WDFY3: variants seen among roughly 807,000 people sequenced by gnomAD.
WDFY3 encodes the protein WD repeat and FYVE domain containing 3.
Under a neutral mutation model 409.6 loss-of-function variants are expected in WDFY3, and 66 were observed. The ratio of observed to expected loss-of-function variants is 0.16; its 90% confidence interval spans 0.13 to 0.20. WDFY3 has a LOEUF of 0.20. Among genes scored for constraint, WDFY3 ranks in the 10% least tolerant of loss-of-function variants. The pLI is 1.00. For synonymous variants in WDFY3, 1,521 were observed against 1,537.1 expected (o/e 0.99, Z 0.25); for missense variants, 3,031 against 4,298.1 (o/e 0.71, Z 8.24).
chr4:84,838,811 AC>A (rs199934692), intron 6 of WDFY3, among the ~76,000 whole-genome samples: 1,562 of 152,218 alleles, frequency 0.01, 18 homozygotes, highest in African/African-American at 0.034. Flanking sequence ...CTTTCCTTCT[AC>A]CCTCACTTTC....
chr4:84,732,357 C>A (rs1443873268), intron 44 of WDFY3, among the ~76,000 whole-genome samples: 2 of 152,176 alleles, frequency 1.3e-5, no homozygotes, highest in East Asian at 1.9e-4. Flanking sequence ...TTAACATATT[C>A]ATCGCCTCAA....
At chr4:84,742,873 G>A (rs1049458239) in intron 37 of WDFY3, among the ~76,000 whole-genome samples, 1 of 152,148 alleles carries the variant, frequency 6.6e-6, no homozygotes, top group African/African-American at 2.4e-5. Context: ...AGAAATTCTG[G>A]AGGTGCCACA....
chr4:84,784,374 C>G (rs1747098807), intron 24 of WDFY3, among the ~76,000 whole-genome samples: 1 of 152,084 alleles, frequency 6.6e-6, no homozygotes, highest in Admixed American at 6.5e-5. Context: ...ACTTCTAAAA[C>G]AGAATTCTCA....
At chr4:84,792,711 G>C (rs1309640260) in intron 21 of WDFY3, among the ~76,000 whole-genome samples, 1 of 152,172 alleles carries the variant, frequency 6.6e-6, no homozygotes, top group Non-Finnish European at 1.5e-5. Context: ...ATAAGAGTTA[G>C]AAAATATTTT....
chr4:84,833,093 G>T (rs904502706), intron 7 of WDFY3, among the ~76,000 whole-genome samples: 1 of 151,710 alleles, frequency 6.6e-6, no homozygotes, highest in African/African-American at 2.4e-5. Flanking sequence ...CTTAAGTACT[G>T]GAATGAGAAC....
intron 3 of WDFY3, among the ~76,000 whole-genome samples, chr4:84,871,686 G>A (rs1762153322): frequency 6.6e-6 from 1 of 151,736 alleles, no homozygotes; most frequent in African/African-American, 2.4e-5. Flanking sequence ...ACCAGGGCTG[G>A]AGTGCAGGTG....
intron 67 of WDFY3, 78 bp from the exon 68 acceptor site, chr4:84,673,069 A>C: frequency 6.3e-7 from 1 of 1,585,028 alleles, no homozygotes; most frequent in Non-Finnish European, 8.6e-7. Flanking sequence ...TAATAATCGA[A>C]TGGAAAGCTT....
At chr4:84,889,517 T>G (rs1044695826) in intron 3 of WDFY3, among the ~76,000 whole-genome samples, 7 of 152,168 alleles carry the variant, frequency 4.6e-5, no homozygotes, top group African/African-American at 1.4e-4. Context: ...TCTGGTTTGA[T>G]TCACAAAAAT....
chr4:84,944,089 CA>C (rs1387106940), intron 1 of WDFY3, among the ~76,000 whole-genome samples: 4 of 152,178 alleles, frequency 2.6e-5, no homozygotes, highest in Admixed American at 2.6e-4. Context: ...TAATGATTTT[CA>C]ATAAGCACCT....
Position 84,679,114 on chromosome 4 carries a change from C to A in WDFY3, c.9952G>T (p.Ala3318Ser). 4 of 1,614,152 alleles carry A rather than the reference C, an allele frequency of 2.5e-6. No individual in the cohort carries two copies. Among genetic ancestry groups the A allele is most frequent in the Non-Finnish European group, 3.4e-6 (4 of 1,180,024 alleles). The change falls in exon 65 of 68, where the codon GCA becomes TCA. Residue 3318 changes from alanine to serine, a missense_variant. Physicochemically the swap from Ala to Ser is moderately conservative, Grantham distance 99 (BLOSUM62 1). This residue lies in a region of WDFY3 where 378 missense variants were observed against 477.3 expected (regional missense o/e 0.79). Transcript: ENST00000295888. The stretch of plus-strand genomic sequence containing the variant: ...CTGTCAGTACACCAGGCGGCTGTTG[C>A]GCGGCAGGAGGCTGCCCGGGGCCTG... ...SHRPRAASCR[A>S]TAAWCTDSGS...
At chr4:84,790,438 T>G (rs192225887) in intron 21 of WDFY3, among the ~76,000 whole-genome samples, 2 of 152,312 alleles carry the variant, frequency 1.3e-5, no homozygotes, top group East Asian at 3.9e-4. Context: ...AAGTGAAACC[T>G]AGAATGTATT....
At chr4:84,936,227 T>C (rs959404587) in intron 1 of WDFY3, among the ~76,000 whole-genome samples, 5 of 152,128 alleles carry the variant, frequency 3.3e-5, no homozygotes, top group African/African-American at 1.2e-4. Context: ...CTGGGTCTTA[T>C]CATACTCTTT....
At chr4:84,747,010 T>A (rs1739567378) in intron 36 of WDFY3, among the ~76,000 whole-genome samples, 1 of 152,174 alleles carries the variant, frequency 6.6e-6, no homozygotes, top group African/African-American at 2.4e-5. Context: ...ATCTGCAAAG[T>A]GTGGGCTACA....
intron 13 of WDFY3, 55 bp from the exon 14 acceptor site, chr4:84,810,399 A>G: frequency 7.2e-7 from 1 of 1,394,394 alleles, no homozygotes; most frequent in Non-Finnish European, 9.4e-7. Context: ...AAAAAAAAAA[A>G]AAAACCACTA....
At chr4:84,818,391 A>G (rs1372152869) in intron 12 of WDFY3, among the ~76,000 whole-genome samples, 1 of 152,044 alleles carries the variant, frequency 6.6e-6, no homozygotes, top group Non-Finnish European at 1.5e-5. Flanking sequence ...CATCTTGTTT[A>G]TATCTCTATT....
In WDFY3 at chr4:84,690,645, C is replaced by T. The variant is rs1308547381; in HGVS notation, c.9224G>A (p.Cys3075Tyr). The T allele has an allele frequency of 1.9e-6, 3 of 1,613,478 alleles. No homozygotes were observed. The African/African-American group carries it at 4.0e-5, about 22-fold the overall frequency. The stretch of plus-strand genomic sequence containing the variant: ...GAGAATCTGGCCCCACTCAGACAAG[C>T]ATTCATAAACAGTCATGGCCTATAA... ...ESDKAMTVYECLSEWGQILCA... is the reference protein window; with the variant it reads ...ESDKAMTVYEYLSEWGQILCA... The change falls in exon 61 of 68, where the codon TGC becomes TAC. Residue 3075 changes from cysteine (C) to tyrosine (Y), a missense_variant. Around this residue, in one of 16 missense-constraint regions of WDFY3, gnomAD observed 152 missense variants for 193.5 expected, o/e 0.79. Coordinates refer to ENST00000295888, the MANE Select transcript of WDFY3 (RefSeq NM_014991.6).
chr4:84,780,339 C>A, intron 25 of WDFY3, 41 bp from the exon 26 acceptor site: 1 of 1,565,322 alleles, frequency 6.4e-7, no homozygotes, highest in Non-Finnish European at 8.7e-7. Context: ...ATAAATTCCC[C>A]ATGTGAACAA....
At chr4:84,679,264 T>C (rs971202579) in intron 64 of WDFY3, 22 bp from the exon 65 acceptor site, 20 of 1,474,158 alleles carry the variant, frequency 1.4e-5, no homozygotes, top group African/African-American at 2.8e-5. Flanking sequence ...ATTGAGAGAA[T>C]TGGAACATAC....
Position 84,786,050 on chromosome 4 carries a change from C to T in WDFY3, c.3991G>A (p.Val1331Met), listed in dbSNP as rs754211354. The T allele has an allele frequency of 1.2e-6, 2 of 1,614,018 alleles. No homozygotes were observed. Among genetic ancestry groups the T allele is most frequent in the Non-Finnish European group, 1.7e-6 (2 of 1,179,962 alleles). Residue 1331 changes from valine to methionine, a missense_variant, in exon 24 of 68, where the codon GTG becomes ATG. Physicochemically the swap from Val to Met is conservative, Grantham distance 21 (BLOSUM62 1). Transcript: ENST00000295888. ...ATTCTTGCCACTGTTAGAGACGACA[C>T]AGAGAGTGCATAGAGGCCAAATGAC... Reference protein sequence around the residue: ...KVSFGLYALSVSSLTVARIRK... With the variant: ...KVSFGLYALSMSSLTVARIRK...
Sources: gnomAD v4.1 joint callset for allele counts (sites outside exome capture counted in the v4.1 genomes callset) on GRCh38, gnomAD v4.1.1 for gene constraint, gnomAD v4.1.1 regional missense constraint, MANE v1.5 for transcripts, NCBI Gene and HGNC (gene_info 2026-07-23, HGNC 2026-07-21) for gene names.